The following CFAP61 variants were observed in gnomAD, a reference collection of about 807,000 sequenced individuals.
CFAP61 encodes cilia- and flagella-associated protein 61.
Under a neutral mutation model 135.6 loss-of-function variants are expected in CFAP61, and 107 were observed. The ratio of observed to expected loss-of-function variants is 0.79; its 90% CI spans 0.67 to 0.93. The LOEUF (loss-of-function observed/expected upper bound fraction) is 0.93, where lower values mean the gene tolerates loss of function less well. CFAP61 is among the 40% of genes least tolerant of loss of function. The pLI, the probability that CFAP61 is intolerant of heterozygous loss-of-function variation, is 0.00. For synonymous variants in CFAP61, 575 were observed against 578.5 expected (o/e 0.99, Z 0.09); for missense variants, 1,507 against 1,556.2 (o/e 0.97, Z 0.53).
intron 8 of CFAP61, among the ~76,000 whole-genome samples, chr20:20,125,512 A>G (rs1043211146): frequency 2.6e-5 from 4 of 151,636 alleles, no homozygotes; most frequent in African/African-American, 7.3e-5. Flanking sequence ...TAATTTCCAC[A>G]TACTTGCATG....
chr20:20,199,475 C>A (rs1014119282), intron 16 of CFAP61, among the ~76,000 whole-genome samples: 1 of 152,122 alleles, frequency 6.6e-6, no homozygotes, highest in African/African-American at 2.4e-5. Flanking sequence ...AGAAGAATAT[C>A]CTCCCGGGGA....
chr20:20,291,611 G>A (rs535869416), intron 24 of CFAP61, among the ~76,000 whole-genome samples: 2 of 152,260 alleles, frequency 1.3e-5, no homozygotes, highest in African/African-American at 2.4e-5. Flanking sequence ...GTGATGCATC[G>A]ATAGATAACT....
Position 20,070,911 on chromosome 20 carries a change from G to A in CFAP61, c.201G>A (p.Gln67=). 6.2e-7 allele frequency: 1 copy of A among 1,614,124 alleles called. No individual in the cohort carries two copies. Residue 67 remains glutamine (Q), a synonymous_variant, in exon 3 of 27, where the codon CAG becomes CAA. Coordinates refer to ENST00000245957, the MANE Select transcript of CFAP61 (RefSeq NM_015585.4). The part of the protein sequence containing the change: ...LCNDKEEIMA[Q]ATFLDYPNWN... ...ATGACAAGGAGGAGATCATGGCCCAGGCCACCTTCCTGGACTACCCCAACT... is the reference window on the plus strand; with the variant it reads ...ATGACAAGGAGGAGATCATGGCCCAAGCCACCTTCCTGGACTACCCCAACT...
chr20:20,193,913 C>G (rs1254545165), intron 15 of CFAP61, among the ~76,000 whole-genome samples: 1 of 152,208 alleles, frequency 6.6e-6, no homozygotes. Flanking sequence ...CTGCGCCAGC[C>G]TCATTCTAAT....
chr20:20,178,211 A>G (rs1284396756), intron 13 of CFAP61, among the ~76,000 whole-genome samples: 2 of 143,014 alleles, frequency 1.4e-5, no homozygotes, highest in African/African-American at 5.8e-5. Context: ...TAGTGACTAC[A>G]GGCCTTTGAG....
intron 18 of CFAP61, among the ~76,000 whole-genome samples, chr20:20,235,660 G>C (rs1321609895): frequency 2.6e-5 from 4 of 152,156 alleles, no homozygotes; most frequent in Non-Finnish European, 4.4e-5. Flanking sequence ...GCGGAGGGAG[G>C]ATTAGGGCCA....
intron 2 of CFAP61, among the ~76,000 whole-genome samples, chr20:20,064,585 G>A (rs1010964826): frequency 7.9e-5 from 12 of 152,222 alleles, no homozygotes; most frequent in Middle Eastern, 3.4e-3. Flanking sequence ...GGGATGGCAC[G>A]TAATTTCATC....
intron 1 of CFAP61, among the ~76,000 whole-genome samples, chr20:20,054,246 T>G (rs1210154991): frequency 6.6e-6 from 1 of 152,050 alleles, no homozygotes; most frequent in Non-Finnish European, 1.5e-5. Context: ...TATCTTCATT[T>G]TAAAGTGATT....
At chr20:20,155,510 A>G (rs1395361406) in intron 9 of CFAP61, among the ~76,000 whole-genome samples, 2 of 152,236 alleles carry the variant, frequency 1.3e-5, no homozygotes, top group East Asian at 3.8e-4. Flanking sequence ...AATATTTGCA[A>G]ACTGTGTATC....
At chr20:20,143,023 C>A in intron 9 of CFAP61, 75 bp downstream of exon 9, 1 of 854,416 alleles carries the variant, frequency 1.2e-6, no homozygotes, top group Non-Finnish European at 1.9e-6. Context: ...AGGGGCATCT[C>A]TGGTGCTGGC....
intron 6 of CFAP61, among the ~76,000 whole-genome samples, chr20:20,089,219 A>G: frequency 6.6e-6 from 1 of 152,156 alleles, no homozygotes; most frequent in Admixed American, 6.5e-5. Flanking sequence ...ACCAGAGCTC[A>G]TATCACGGCT....
chr20:20,166,338 G>A (rs374209792), intron 11 of CFAP61, 59 bp from the exon 12 acceptor site: 48 of 1,409,318 alleles, frequency 3.4e-5, no homozygotes, highest in South Asian at 1.2e-4. Context: ...CTCTGTAAAC[G>A]TCCACTGATG....
rs1045280436 is a variant in CFAP61, at chr20:20,098,733, G to T, written c.778G>T (p.Gly260Cys). The change falls in exon 8 of 27, where the codon GGC (glycine) becomes TGC (cysteine). Residue 260 changes from glycine to cysteine, a missense_variant. Coordinates refer to ENST00000245957, the MANE Select transcript of CFAP61 (RefSeq NM_015585.4). ...ACTGCTGCATGAGTGCTTTGACTTGGGCCCTTTCCACGGACTCTGTTTCCC... is the reference window on the plus strand; with the variant it reads ...ACTGCTGCATGAGTGCTTTGACTTGTGCCCTTTCCACGGACTCTGTTTCCC... The part of the protein sequence containing the change: ...MQLLHECFDL[G>C]PFHGLCFPHP... The T allele has an allele frequency of 6.2e-7, 1 of 1,613,814 alleles. No individual in the cohort carries two copies. Among genetic ancestry groups the T allele is most frequent in the Non-Finnish European group, 8.5e-7 (1 of 1,179,990 alleles).
At chr20:20,201,247 T>C (rs1471450459) in intron 17 of CFAP61, among the ~76,000 whole-genome samples, 1 of 152,210 alleles carries the variant, frequency 6.6e-6, no homozygotes, top group African/African-American at 2.4e-5. Context: ...TACTCATATC[T>C]TCATAGACTT....
chr20:20,137,233 C>G (rs2051000487), intron 8 of CFAP61, among the ~76,000 whole-genome samples: 1 of 152,210 alleles, frequency 6.6e-6, no homozygotes, highest in Non-Finnish European at 1.5e-5. Flanking sequence ...ATGGGTCTTG[C>G]CCAAGGCCCA....
chr20:20,227,988 A>T (rs2146946560), intron 17 of CFAP61, among the ~76,000 whole-genome samples: 1 of 152,332 alleles, frequency 6.6e-6, no homozygotes, highest in South Asian at 2.1e-4. Context: ...TGTATGAAAC[A>T]TCTGTCAGCA....
chr20:20,283,929 T>G (rs1458340988), intron 22 of CFAP61, among the ~76,000 whole-genome samples: 1 of 152,182 alleles, frequency 6.6e-6, no homozygotes, highest in South Asian at 2.1e-4. Context: ...CTGAGCATGA[T>G]CTCCCTGTCT....
chr20:20,292,558 T>C (rs1023002035), intron 24 of CFAP61, among the ~76,000 whole-genome samples: 3 of 152,212 alleles, frequency 2.0e-5, no homozygotes, highest in Non-Finnish European at 4.4e-5. Flanking sequence ...CTCCACACTA[T>C]TCACAGCCTT....
Position 20,294,936 on chromosome 20 carries a change from A to AT in CFAP61, c.3217-3245_3217-3244insT, listed in dbSNP as rs1275798874. On this transcript the variant is annotated intron_variant, in intron 24 of 26. Transcript: ENST00000245957. ...GGCGACAGAGCGAGACTCCGTCTCA[A>AT]AAATAATAATAATAATAATAATAAT... is the stretch of plus-strand genomic sequence containing the variant. 3.8e-3 allele frequency among the ~76,000 whole-genome samples: 486 copies of AT among 126,574 alleles called. 4 individuals are homozygous for AT. The highest frequency in any genetic ancestry group is 0.015 in the African/African-American group (465 of 31,792). The allele number at this position is 126,574 out of a possible 152,430, so 83.0% of individuals were successfully genotyped here. A position where few individuals can be genotyped will look rare whatever the true frequency, so the allele number is the denominator to read the frequency against.
Sources: gnomAD v4.1 joint callset for allele counts (sites outside exome capture counted in the v4.1 genomes callset) on GRCh38, gnomAD v4.1.1 for gene constraint, MANE v1.5 for transcripts, NCBI Gene and HGNC (gene_info 2026-07-23, HGNC 2026-07-21) for gene names.